ERGIC1: variants seen among roughly 807,000 people sequenced by gnomAD.
The protein encoded by ERGIC1 is endoplasmic reticulum-golgi intermediate compartment 1, also known as endoplasmic reticulum-Golgi intermediate compartment protein 1.
A neutral mutation model predicts 38.3 loss-of-function variants in ERGIC1; 19 were observed. That is an observed-to-expected ratio of 0.50 (90% confidence interval 0.35 to 0.73). The LOEUF is 0.73. Among genes scored for constraint, ERGIC1 ranks in the 30% least tolerant of loss-of-function variants. The pLI is 0.01. For missense variants in ERGIC1, 294 were observed against 389.2 expected (o/e 0.76, Z 2.06); for synonymous variants, 124 against 157.6 (o/e 0.79, Z 1.60).
intron 7 of ERGIC1, among the ~76,000 whole-genome samples, chr5:172,929,861 T>C (rs1196273348): frequency 6.6e-6 from 1 of 152,156 alleles, no homozygotes; most frequent in African/African-American, 2.4e-5. Context: ...TTCTGTGTCT[T>C]AGACCTGAAA....
Position 172,932,545 on chromosome 5 carries a change from G to T in ERGIC1, c.642+9G>T. On this transcript the variant is annotated intron_variant, in intron 8 of 9. Coordinates refer to ENST00000393784, the MANE Select transcript of ERGIC1 (RefSeq NM_001031711.3). ...ACACGGTGGCCAACAAGGTGCGCGG[G>T]CGGTGGCTGGGCCGAGCTGTGTGCG... The T allele has an allele frequency of 6.2e-7, 1 of 1,613,470 alleles. No homozygotes were observed. Among genetic ancestry groups the T allele is most frequent in the Non-Finnish European group, 8.5e-7 (1 of 1,179,718 alleles).
chr5:172,873,514 C>T (rs994261889), intron 1 of ERGIC1, among the ~76,000 whole-genome samples: 1 of 152,236 alleles, frequency 6.6e-6, no homozygotes, highest in Non-Finnish European at 1.5e-5. Context: ...ATCCTTCACT[C>T]ACTCACCCAG....
rs80076926 is a variant in ERGIC1 at position 172,885,872 on chromosome 5, G to A, written c.21-2827G>A. On this transcript the variant is annotated intron_variant, in intron 1 of 9. Coordinates refer to ENST00000393784, the MANE Select transcript of ERGIC1 (RefSeq NM_001031711.3). ...CCCAGGCCTCATGTCATCTGCAGACGCGTCTCATTTGTCCTGTAGAGTGTT... is the reference window on the plus strand; with the variant it reads ...CCCAGGCCTCATGTCATCTGCAGACACGTCTCATTTGTCCTGTAGAGTGTT... Among the ~76,000 whole-genome samples the A allele has an allele frequency of 4.7e-3, 714 of 152,248 alleles. 2 individuals are homozygous for A. The highest frequency in any genetic ancestry group is 0.016 in the African/African-American group (679 of 41,538).
chr5:172,873,996 G>A (rs1762081918), intron 1 of ERGIC1, among the ~76,000 whole-genome samples: 1 of 152,206 alleles, frequency 6.6e-6, no homozygotes, highest in African/African-American at 2.4e-5. Context: ...CTCCTGAACT[G>A]TGCTTTTCAG....
chr5:172,904,019 TCA>T (rs1762957929), intron 3 of ERGIC1, among the ~76,000 whole-genome samples: 1 of 149,596 alleles, frequency 6.7e-6, no homozygotes, highest in Non-Finnish European at 1.5e-5. Context: ...ACACACTCAC[TCA>T]CTCTCCTGCC....
intron 1 of ERGIC1, among the ~76,000 whole-genome samples, chr5:172,835,158 AGATCTCCACCAGAG>A (rs376430851): frequency 1.2e-4 from 19 of 152,284 alleles, no homozygotes; most frequent in African/African-American, 4.3e-4. Flanking sequence ...GCGGGGGAAG[AGATCTCCACCAGAG>A]GTTCCCTTGA....
At chr5:172,863,696 G>A (rs762086437) in intron 1 of ERGIC1, among the ~76,000 whole-genome samples, 3 of 152,106 alleles carry the variant, frequency 2.0e-5, no homozygotes, top group Non-Finnish European at 4.4e-5. Context: ...AAAACCAAAC[G>A]TGTGACTTTC....
chr5:172,947,275 C>T (rs1764144411), intron 9 of ERGIC1, among the ~76,000 whole-genome samples: 1 of 152,132 alleles, frequency 6.6e-6, no homozygotes, highest in African/African-American at 2.4e-5. Context: ...GGCTTGACCT[C>T]CTGGGCTCAA....
At chr5:172,896,921 C>G in intron 2 of ERGIC1, 81 bp from the exon 3 acceptor site, 46 of 1,343,654 alleles carry the variant, frequency 3.4e-5, no homozygotes, top group Non-Finnish European at 4.5e-5. Context: ...CCTGGGGCCT[C>G]TTTCCTCTTC....
chr5:172,884,752 A>G (rs1443007125), intron 1 of ERGIC1, among the ~76,000 whole-genome samples: 2 of 152,174 alleles, frequency 1.3e-5, no homozygotes, highest in Non-Finnish European at 2.9e-5. Flanking sequence ...ACTCACTGCT[A>G]TTGGGCTGTT....
intron 1 of ERGIC1, among the ~76,000 whole-genome samples, chr5:172,839,566 AAC>A (rs1554105969): frequency 1.3e-5 from 2 of 151,934 alleles, no homozygotes; most frequent in East Asian, 1.9e-4. Flanking sequence ...CCTATCTCAA[AAC>A]ACACACACAC....
chr5:172,894,508 T>C (rs1335121639), intron 2 of ERGIC1, among the ~76,000 whole-genome samples: 1 of 152,040 alleles, frequency 6.6e-6, no homozygotes, highest in Non-Finnish European at 1.5e-5. Context: ...TTTTCAAAGT[T>C]TGGGAGAAAT....
At chr5:172,912,978 AG>A (rs1763245177) in intron 4 of ERGIC1, among the ~76,000 whole-genome samples, 1 of 152,122 alleles carries the variant, frequency 6.6e-6, no homozygotes, top group Non-Finnish European at 1.5e-5. Context: ...CATATTGGCC[AG>A]GCTGGTCTCG....
chr5:172,935,457 C>T (rs999369696), intron 9 of ERGIC1, 147 bp downstream of exon 9: 6 of 1,000,966 alleles, frequency 6.0e-6, no homozygotes, highest in South Asian at 1.6e-5. Context: ...CAGGAGGCTT[C>T]GACCCCAAGG....
At chr5:172,920,611 A>G in intron 5 of ERGIC1, 1 of 599,604 alleles carries the variant, frequency 1.7e-6, no homozygotes, top group Non-Finnish European at 3.0e-6. Context: ...ATGTGCTGGC[A>G]TGAGTCAGCC....
chr5:172,841,683 T>C (rs1233353071), intron 1 of ERGIC1, among the ~76,000 whole-genome samples: 1 of 152,228 alleles, frequency 6.6e-6, no homozygotes, highest in Non-Finnish European at 1.5e-5. Flanking sequence ...GTCTGGGTCT[T>C]GAATATCTTT....
At chr5:172,860,489 C>CCTCCTGG (rs1761668708) in intron 1 of ERGIC1, among the ~76,000 whole-genome samples, 1 of 152,248 alleles carries the variant, frequency 6.6e-6, no homozygotes, top group African/African-American at 2.4e-5. Flanking sequence ...TGAACCCAGG[C>CCTCCTGG]CTCCTGGCTC....
rs577882989 is a variant in ERGIC1 at position 172,905,736 on chromosome 5, C to T, written c.156-3931C>T. On this transcript the variant is annotated intron_variant, in intron 3 of 9. Transcript: ENST00000393784. ...CCACGAGCTAAAGCTCAGCTCGAGCCGGAACACAGACCAGAAGAGTGTGTA... is the reference window on the plus strand; with the variant it reads ...CCACGAGCTAAAGCTCAGCTCGAGCTGGAACACAGACCAGAAGAGTGTGTA... Among the ~76,000 whole-genome samples the T allele has an allele frequency of 1.4e-4, 10 of 73,046 alleles. No individual in the cohort carries two copies. In the East Asian group the frequency reaches 1.7e-3, roughly 12 times the overall value. The allele number at this position is 73,046 out of a possible 152,430, so 47.9% of individuals were successfully genotyped here.
chr5:172,950,834 T>C lies in ERGIC1; in HGVS notation c.*18T>C. ...TGCATTGACGCCACACCCAGCCTAA[T>C]GGCCGAGGACCCTGGGCATCGCCAG... On this transcript the variant is annotated 3_prime_UTR_variant, in exon 10 of 10. Transcript: ENST00000393784. 3 of 1,600,926 alleles carry C rather than the reference T, an allele frequency of 1.9e-6. No homozygotes were observed. Among genetic ancestry groups the C allele is most frequent in the South Asian group, 1.1e-5 (1 of 89,936 alleles).
Sources: gnomAD v4.1 joint callset for allele counts (sites outside exome capture counted in the v4.1 genomes callset) on GRCh38, gnomAD v4.1.1 for gene constraint, MANE v1.5 for transcripts, NCBI Gene and HGNC (gene_info 2026-07-23, HGNC 2026-07-21) for gene names.